SYNE1: variants seen among roughly 807,000 people sequenced by gnomAD.
SYNE1 encodes the protein nesprin-1.
A neutral mutation model predicts 1,111.0 loss-of-function variants in SYNE1; 616 were observed. The observed-to-expected ratio is 0.55, with a 90% CI of 0.52 to 0.59. The LOEUF (loss-of-function observed/expected upper bound fraction) is 0.59. SYNE1 is among the 20% of genes least tolerant of loss of function. The pLI is 0.00. For synonymous variants in SYNE1, 3,855 were observed against 3,825.8 expected (o/e 1.01, Z -0.28); for missense variants, 10,006 against 10,417.0 (o/e 0.96, Z 1.72).
chr6:152,402,744 T>A (rs145910219), intron 46 of SYNE1: 3,338 of 148,124 alleles, frequency 0.023, 43 homozygotes, highest in Middle Eastern at 0.038. Flanking sequence ...TGTGTGTGTG[T>A]GAGAGAGAGA....
intron 32 of SYNE1, among the ~76,000 whole-genome samples, chr6:152,440,854 A>T (rs1417128974): frequency 6.6e-6 from 1 of 151,918 alleles, no homozygotes; most frequent in African/African-American, 2.4e-5. Context: ...GAGTTGAGTC[A>T]CAGCGCGCGG....
chr6:152,431,978 C>A (rs2098434478), intron 34 of SYNE1, among the ~76,000 whole-genome samples: 1 of 152,056 alleles, frequency 6.6e-6, no homozygotes, highest in Admixed American at 6.6e-5. Context: ...TTGCTTGTAA[C>A]ACATCGGTGA....
intron 127 of SYNE1, among the ~76,000 whole-genome samples, chr6:152,198,823 C>A (rs1168787237): frequency 6.6e-6 from 1 of 152,076 alleles, no homozygotes; most frequent in Non-Finnish European, 1.5e-5. Context: ...TCAAAGGTCA[C>A]ACTGACTGTA....
chr6:152,455,358 T>G (rs2098688573), intron 24 of SYNE1, 68 bp downstream of exon 24: 1 of 1,548,004 alleles, frequency 6.5e-7, no homozygotes, highest in Non-Finnish European at 8.7e-7. Context: ...GCATGCCTTT[T>G]TTAAGCTTTC....
At position 152,281,843 on chromosome 6, in the gene SYNE1, C is replaced by G. The variant is rs749005373; in HGVS notation, c.18345G>C (p.Glu6115Asp). 24 of 1,614,126 alleles carry G rather than the reference C, an allele frequency of 1.5e-5. No homozygotes were observed. The Admixed American group carries it at 3.8e-4, about 26-fold the overall frequency. Reference protein sequence around the residue: ...TLDTALSPPKEPMDMEAQLMD... With the variant: ...TLDTALSPPKDPMDMEAQLMD... ...TAAGCTGGGCCTCCATGTCCATGGG[C>G]TCCTTGGGTGGACTCAGCGCAGTGT... Residue 6115 changes from glutamate to aspartate, a missense_variant, in exon 97 of 146, where the codon GAG (glutamate) becomes GAC (aspartate). Physicochemically the swap from Glu to Asp is conservative, Grantham distance 45. Transcript: ENST00000367255.
intron 96 of SYNE1, among the ~76,000 whole-genome samples, chr6:152,282,359 AG>A (rs1483605087): frequency 6.6e-6 from 1 of 152,210 alleles, no homozygotes; most frequent in Non-Finnish European, 1.5e-5. Flanking sequence ...TGGGAAGAGT[AG>A]GGAGTGATGG....
chr6:152,188,628 C>T (rs922473222), intron 128 of SYNE1, among the ~76,000 whole-genome samples: 1 of 152,048 alleles, frequency 6.6e-6, no homozygotes, highest in Non-Finnish European at 1.5e-5. Context: ...AGCAAAATCA[C>T]ATCTGTGAAC....
At chr6:152,425,831 A>G (rs1034474209) in intron 38 of SYNE1, among the ~76,000 whole-genome samples, 10 of 152,258 alleles carry the variant, frequency 6.6e-5, no homozygotes, top group African/African-American at 2.4e-4. Flanking sequence ...TAAAACCTGA[A>G]TAAGTTTTCT....
At chr6:152,452,285 C>A (rs2098657633) in intron 25 of SYNE1, among the ~76,000 whole-genome samples, 1 of 151,866 alleles carries the variant, frequency 6.6e-6, no homozygotes, top group Non-Finnish European at 1.5e-5. Flanking sequence ...AAAGTCCCAC[C>A]TAGATTAAAT....
chr6:152,321,680 T>C lies in SYNE1; in HGVS notation c.16083+41A>G, dbSNP rs2095871574. The stretch of plus-strand genomic sequence containing the variant: ...TCAACTAAAATCAGGGCAATTGTTT[T>C]TGAAATGATGGGTAAAGAGAATGAG... On this transcript the variant is annotated intron_variant, in intron 83 of 145. Coordinates refer to ENST00000367255, the MANE Select transcript of SYNE1 (RefSeq NM_182961.4). 6 of 1,612,820 alleles carry C rather than the reference T, an allele frequency of 3.7e-6. 1 individual carries two copies. The highest frequency in any genetic ancestry group is 2.2e-5 in the South Asian group (2 of 91,042).
At chr6:152,284,247 C>T in intron 95 of SYNE1, 75 bp from the exon 96 acceptor site, 2 of 1,471,190 alleles carry the variant, frequency 1.4e-6, no homozygotes, top group Non-Finnish European at 1.9e-6. Context: ...AGCTGAGTCT[C>T]ACATCCATTG....
intron 3 of SYNE1, among the ~76,000 whole-genome samples, chr6:152,544,189 G>A (rs2099292636): frequency 1.3e-5 from 2 of 152,170 alleles, no homozygotes; most frequent in East Asian, 1.9e-4. Context: ...TAGAGGAGAG[G>A]TGTGGCTGGG....
intron 29 of SYNE1, among the ~76,000 whole-genome samples, chr6:152,446,671 T>C (rs1322339086): frequency 5.3e-5 from 8 of 152,206 alleles, no homozygotes; most frequent in Admixed American, 3.9e-4. Context: ...TACTGGTAAA[T>C]ATCTATTCTA....
chr6:152,596,456 A>T (rs1263335236), intron 3 of SYNE1, among the ~76,000 whole-genome samples: 1 of 152,062 alleles, frequency 6.6e-6, no homozygotes, highest in African/African-American at 2.4e-5. Context: ...GGGTTTCACC[A>T]TGTTGGCCAT....
At chr6:152,344,846 A>T (rs577155302) in intron 73 of SYNE1, among the ~76,000 whole-genome samples, 2 of 152,306 alleles carry the variant, frequency 1.3e-5, no homozygotes, top group East Asian at 3.9e-4. Context: ...CAAGCCAACC[A>T]ATTTTCATTT....
At position 152,292,919 on chromosome 6, in the gene SYNE1, C is replaced by T. The variant is rs901138067; in HGVS notation, c.18012+669G>A. 3.9e-5 allele frequency among the ~76,000 whole-genome samples: 6 copies of T among 152,164 alleles called. No individual in the cohort carries two copies. The East Asian group carries it at 5.8e-4, about 15-fold the overall frequency. ...TACAAAATAAATATAATTTTAACAG[C>T]GTACCTCATTAGACTGCTAAAGTAT... On this transcript the variant is annotated intron_variant, in intron 95 of 145. Coordinates refer to ENST00000367255, the MANE Select transcript of SYNE1 (RefSeq NM_182961.4).
intron 5 of SYNE1, among the ~76,000 whole-genome samples, chr6:152,522,496 T>C (rs980080664): frequency 6.6e-6 from 1 of 152,166 alleles, no homozygotes; most frequent in Admixed American, 6.6e-5. Flanking sequence ...ATCTTTGCAA[T>C]TGTGAATTGT....
chr6:152,153,383 C>T (rs1428116283), intron 133 of SYNE1, among the ~76,000 whole-genome samples: 2 of 152,190 alleles, frequency 1.3e-5, no homozygotes, highest in African/African-American at 4.8e-5. Flanking sequence ...GCGATTGGAC[C>T]AGCTAAAGAC....
intron 97 of SYNE1, among the ~76,000 whole-genome samples, chr6:152,280,279 A>C (rs2093953064): frequency 6.6e-6 from 1 of 152,250 alleles, no homozygotes; most frequent in African/African-American, 2.4e-5. Flanking sequence ...ATTTAATATT[A>C]GATTTTTAAA....
Sources: allele counts gnomAD v4.1 joint callset (sites outside exome capture counted in the v4.1 genomes callset), GRCh38; gene constraint gnomAD v4.1.1; transcripts MANE v1.5; gene names NCBI Gene and HGNC (gene_info 2026-07-23, HGNC 2026-07-21).